CSMD1: variants seen among roughly 807,000 people sequenced by gnomAD.
CSMD1 encodes the protein CUB and Sushi multiple domains 1, also known as CUB and sushi domain-containing protein 1.
Under a neutral mutation model 417.5 loss-of-function variants are expected in CSMD1, and 213 were observed. That is an observed-to-expected ratio of 0.51 (90% confidence interval 0.46 to 0.57). The LOEUF is 0.57. CSMD1 is among the 20% of genes least tolerant of loss of function. The pLI, the probability that CSMD1 is intolerant of heterozygous loss-of-function variation, is 0.00. For missense variants in CSMD1, 6,923 were observed against 4,529.7 expected, an observed-to-expected ratio of 1.53 and a Z score of -15.17; for synonymous variants, 2,862 against 1,736.8, an observed-to-expected ratio of 1.65 and a Z score of -16.11.
chr8:4,895,452 T>C (rs904072573), intron 1 of CSMD1, among the ~76,000 whole-genome samples: 2 of 152,156 alleles, frequency 1.3e-5, no homozygotes, highest in African/African-American at 4.8e-5. Flanking sequence ...ATCAACATTG[T>C]TATTCTGCTT....
intron 2 of CSMD1, among the ~76,000 whole-genome samples, chr8:4,533,905 A>C (rs1221393654): frequency 6.7e-6 from 1 of 149,190 alleles, no homozygotes; most frequent in Non-Finnish European, 1.5e-5. Context: ...CAATAGCTAG[A>C]ATATAATATA....
chr8:4,722,335 T>C (rs1809112034), intron 1 of CSMD1, among the ~76,000 whole-genome samples: 2 of 152,272 alleles, frequency 1.3e-5, no homozygotes, highest in South Asian at 2.1e-4. Context: ...ATATTTAATA[T>C]CCATGCAGAT....
At chr8:3,377,748 G>A (rs1810399996) in intron 18 of CSMD1, among the ~76,000 whole-genome samples, 1 of 149,008 alleles carries the variant, frequency 6.7e-6, no homozygotes, top group South Asian at 2.1e-4. Flanking sequence ...TACCCAAAAC[G>A]GAAACACCAG....
At chr8:4,795,614 C>T (rs1585112026) in intron 1 of CSMD1, among the ~76,000 whole-genome samples, 1 of 151,774 alleles carries the variant, frequency 6.6e-6, no homozygotes, top group South Asian at 2.1e-4. Flanking sequence ...TTAACCATAA[C>T]AACACACACT....
intron 5 of CSMD1, among the ~76,000 whole-genome samples, chr8:3,886,519 A>G (rs2627354): frequency 0.051 from 7,700 of 152,260 alleles, 631 homozygotes; most frequent in African/African-American, 0.17. Flanking sequence ...GTGCTGCTGA[A>G]GTTTGAAAGC....
intron 1 of CSMD1, among the ~76,000 whole-genome samples, chr8:4,981,397 T>A (rs1035302764): frequency 3.9e-5 from 6 of 152,264 alleles, no homozygotes; most frequent in Admixed American, 3.9e-4. Flanking sequence ...AATTATCCCC[T>A]CCCCTCATTT....
chr8:4,547,312 A>G (rs1351348393), intron 2 of CSMD1, among the ~76,000 whole-genome samples: 2 of 152,192 alleles, frequency 1.3e-5, no homozygotes, highest in African/African-American at 4.8e-5. Flanking sequence ...ACTAGGCTTG[A>G]ATTTTCCAAT....
At chr8:3,143,889 C>T (rs1818670712) in intron 40 of CSMD1, among the ~76,000 whole-genome samples, 1 of 152,144 alleles carries the variant, frequency 6.6e-6, no homozygotes, top group Admixed American at 6.5e-5. Context: ...AAGGAAAACA[C>T]AGTTGTCAGA....
intron 5 of CSMD1, among the ~76,000 whole-genome samples, chr8:3,845,997 A>G (rs770140951): frequency 2.0e-5 from 3 of 152,042 alleles, no homozygotes; most frequent in African/African-American, 7.2e-5. Flanking sequence ...GTCACCTCCT[A>G]TGAGAACAAT....
intron 3 of CSMD1, among the ~76,000 whole-genome samples, chr8:4,047,755 T>A (rs1249863810): frequency 2.6e-5 from 4 of 151,968 alleles, no homozygotes; most frequent in Non-Finnish European, 5.9e-5. Flanking sequence ...GAGAAAATGG[T>A]ATTTTTTTGA....
At chr8:4,975,533 G>A (rs528197393) in intron 1 of CSMD1, among the ~76,000 whole-genome samples, 147 of 152,306 alleles carry the variant, frequency 9.7e-4, no homozygotes, top group African/African-American at 3.4e-3. Flanking sequence ...TTTTTCAGAT[G>A]AAGGAAGTGA....
chr8:3,684,253 A>C (rs1369195118), intron 7 of CSMD1, among the ~76,000 whole-genome samples: 1 of 143,718 alleles, frequency 7.0e-6, no homozygotes, highest in African/African-American at 2.5e-5. Context: ...TATATATTAT[A>C]TAAAATATAT....
At chr8:4,758,396 G>A (rs928930013) in intron 1 of CSMD1, among the ~76,000 whole-genome samples, 3 of 152,158 alleles carry the variant, frequency 2.0e-5, no homozygotes, top group Non-Finnish European at 2.9e-5. Flanking sequence ...CTGGTAGAAT[G>A]AGCAAGGCCA....
chr8:4,880,640 T>A (rs1803331394), intron 1 of CSMD1, among the ~76,000 whole-genome samples: 1 of 151,990 alleles, frequency 6.6e-6, no homozygotes, highest in African/African-American at 2.4e-5. Flanking sequence ...GTTCGAAGCG[T>A]CCCGATGAAG....
intron 3 of CSMD1, among the ~76,000 whole-genome samples, chr8:4,144,110 G>A (rs1272775095): frequency 2.0e-5 from 3 of 150,946 alleles, no homozygotes; most frequent in East Asian, 1.9e-4. Flanking sequence ...TGAGTTAATT[G>A]GGCTTAGGTT....
intron 1 of CSMD1, among the ~76,000 whole-genome samples, chr8:4,705,254 A>AT (rs914168953): frequency 3.3e-5 from 5 of 152,030 alleles, no homozygotes; most frequent in Admixed American, 1.3e-4. Flanking sequence ...AGTCTCTGGT[A>AT]TTTTTTTTAT....
chr8:4,705,523 T>A (rs1807876965), intron 1 of CSMD1, among the ~76,000 whole-genome samples: 1 of 152,192 alleles, frequency 6.6e-6, no homozygotes, highest in Non-Finnish European at 1.5e-5. Flanking sequence ...CGCACAGCCT[T>A]TATCTCTTTA....
At chr8:3,438,033 T>C (rs556472265) in intron 12 of CSMD1, among the ~76,000 whole-genome samples, 1 of 152,188 alleles carries the variant, frequency 6.6e-6, no homozygotes, top group Non-Finnish European at 1.5e-5. Context: ...AAATAGAGGT[T>C]TTTGTACAAA....
At chr8:3,517,949 C>T (rs1353100126) in intron 10 of CSMD1, among the ~76,000 whole-genome samples, 1 of 152,098 alleles carries the variant, frequency 6.6e-6, no homozygotes, top group African/African-American at 2.4e-5. Flanking sequence ...CAAGTCAAAT[C>T]TTCATGAATT....
Sources: gnomAD v4.1 joint callset for allele counts (sites outside exome capture counted in the v4.1 genomes callset) on GRCh38, gnomAD v4.1.1 for gene constraint, MANE v1.5 for transcripts, NCBI Gene and HGNC (gene_info 2026-07-23, HGNC 2026-07-21) for gene names.